The following BTBD9 variants were observed in gnomAD, a reference collection of about 807,000 sequenced individuals.
The protein encoded by BTBD9 is BTB/POZ domain-containing protein 9.
Under a neutral mutation model 64.3 loss-of-function variants are expected in BTBD9, and 49 were observed. That is an observed-to-expected ratio of 0.76 (90% confidence interval 0.61 to 0.97). The LOEUF is 0.97. BTBD9 is among the 50% of genes least tolerant of loss of function. The probability of loss-of-function intolerance (pLI) is 0.00; values close to 1 mark genes in which losing one functional copy is unlikely to be tolerated. For synonymous variants in BTBD9, 260 were observed against 274.7 expected (o/e 0.95, Z 0.53); for missense variants, 598 against 762.1 (o/e 0.78, Z 2.53).
chr6:38,398,815 T>TATTTA lies in BTBD9; in HGVS notation c.1155-53727_1155-53723dup, dbSNP rs541936464. 7.2e-5 allele frequency among the ~76,000 whole-genome samples: 11 copies of TATTTA among 152,340 alleles called. 1 individual carries two copies. In the South Asian group the frequency reaches 2.1e-3, roughly 29 times the overall value. Reference sequence around the variant, plus strand: ...TCTTATACCCATTTAAACATATAATTATTTAATTTAATTTAATTTGTGGCC... The same window carrying TATTTA: ...TCTTATACCCATTTAAACATATAATTATTTAATTTAATTTAATTTAATTTGTGGCC... On this transcript the variant is annotated intron_variant, in intron 6 of 10. Transcript: ENST00000481247.
At chr6:38,458,123 G>A (rs1769905520) in intron 6 of BTBD9, among the ~76,000 whole-genome samples, 1 of 152,252 alleles carries the variant, frequency 6.6e-6, no homozygotes, top group South Asian at 2.1e-4. Context: ...CAAAACAGCA[G>A]ATTATTGTTT....
At chr6:38,215,990 A>G (rs972325301) in intron 9 of BTBD9, among the ~76,000 whole-genome samples, 3 of 152,174 alleles carry the variant, frequency 2.0e-5, no homozygotes, top group Admixed American at 6.5e-5. Context: ...AAGGCCCTCA[A>G]TATCAATTTT....
chr6:38,399,997 G>A (rs1386835062), intron 6 of BTBD9, among the ~76,000 whole-genome samples: 1 of 151,424 alleles, frequency 6.6e-6, no homozygotes, highest in East Asian at 1.9e-4. Flanking sequence ...CCTGACCTCA[G>A]GTGATCCGCC....
intron 8 of BTBD9, among the ~76,000 whole-genome samples, chr6:38,287,105 A>AAAAT (rs1554135407): frequency 1.0e-5 from 1 of 100,242 alleles, no homozygotes; most frequent in Admixed American, 1.1e-4. Context: ...AAAAAAAAAA[A>AAAAT]ATATACACAC....
At chr6:38,191,923 T>C (rs1762091269) in intron 10 of BTBD9, among the ~76,000 whole-genome samples, 1 of 152,252 alleles carries the variant, frequency 6.6e-6, no homozygotes, top group African/African-American at 2.4e-5. Context: ...CTGGGTCCCA[T>C]GCGACTGTCC....
In BTBD9 at chr6:38,262,076, C is replaced by T. The variant is rs574788643; in HGVS notation, c.1455-5560G>A. Among the ~76,000 whole-genome samples the T allele has an allele frequency of 8.1e-4, 124 of 152,326 alleles. 2 individuals carry two copies. The highest frequency in any genetic ancestry group is 2.8e-4 in the Non-Finnish European group (19 of 68,028). On this transcript the variant is annotated intron_variant, in intron 8 of 10. Transcript: ENST00000481247. ...TGAGAGGAATTTTGCTCTACCAATT[C>T]CCTTCACTTCTTTGGCTGCCTGCAA...
At chr6:38,266,796 T>G (rs1765022623) in intron 8 of BTBD9, among the ~76,000 whole-genome samples, 1 of 152,228 alleles carries the variant, frequency 6.6e-6, no homozygotes, top group South Asian at 2.1e-4. Context: ...GTGACTCTAA[T>G]ACAGCCCCTT....
chr6:38,400,499 T>C (rs909905603), intron 6 of BTBD9, among the ~76,000 whole-genome samples: 1 of 152,202 alleles, frequency 6.6e-6, no homozygotes, highest in Non-Finnish European at 1.5e-5. Context: ...TACAGGTATC[T>C]AGCATGATTA....
intron 4 of BTBD9, chr6:38,587,469 ACTT>A: frequency 1.8e-6 from 1 of 547,288 alleles, no homozygotes; most frequent in Non-Finnish European, 3.5e-6. Flanking sequence ...TCAGGGGAAA[ACTT>A]CTGCGTAATG....
At chr6:38,267,656 G>C (rs1765057002) in intron 8 of BTBD9, among the ~76,000 whole-genome samples, 1 of 152,176 alleles carries the variant, frequency 6.6e-6, no homozygotes, top group African/African-American at 2.4e-5. Flanking sequence ...CCGAAGGAGA[G>C]GGGTCGGGCA....
chr6:38,317,468 C>T lies in BTBD9; in HGVS notation c.1264+27516G>A, dbSNP rs574437501. 4.6e-5 allele frequency among the ~76,000 whole-genome samples: 7 copies of T among 152,080 alleles called. No homozygotes were observed. In the East Asian group the frequency reaches 7.7e-4, roughly 17 times the overall value. The stretch of plus-strand genomic sequence containing the variant: ...CCTTTGGGAATTTGATTATTAAATG[C>T]CTTGAGGCAATTTTCTTTGGGTTAA... On this transcript the variant is annotated intron_variant, in intron 7 of 10. Transcript: ENST00000481247.
At position 38,603,705 on chromosome 6, in the gene BTBD9, A is replaced by T. The variant is rs562608466; in HGVS notation, c.-27-5584T>A. 1.1e-4 allele frequency among the ~76,000 whole-genome samples: 16 copies of T among 152,312 alleles called. No individual in the cohort carries two copies. The South Asian group carries it at 2.7e-3, about 26-fold the overall frequency. Reference sequence around the variant, plus strand: ...CAAAGAGTCCTTGAACACTGTATGAATCTCCCCTGGGAAGCCCTCTCTGCC... The same window carrying T: ...CAAAGAGTCCTTGAACACTGTATGATTCTCCCCTGGGAAGCCCTCTCTGCC... On this transcript the variant is annotated intron_variant, in intron 1 of 10. Coordinates refer to ENST00000481247, the MANE Select transcript of BTBD9 (RefSeq NM_001099272.2).
chr6:38,258,731 A>G (rs1764690380), intron 8 of BTBD9, among the ~76,000 whole-genome samples: 1 of 152,160 alleles, frequency 6.6e-6, no homozygotes, highest in South Asian at 2.1e-4. Flanking sequence ...TCTACTAAAA[A>G]TACAAAAAAT....
At chr6:38,531,495 C>G (rs1022391478) in intron 6 of BTBD9, among the ~76,000 whole-genome samples, 3 of 152,138 alleles carry the variant, frequency 2.0e-5, no homozygotes, top group African/African-American at 7.2e-5. Flanking sequence ...AAGAAATCAT[C>G]TGAAGGTACA....
intron 6 of BTBD9, among the ~76,000 whole-genome samples, chr6:38,381,156 A>C (rs374085073): frequency 6.6e-6 from 1 of 152,290 alleles, no homozygotes; most frequent in South Asian, 2.1e-4. Flanking sequence ...ATTAATGTAC[A>C]TGGACTAAAT....
At chr6:38,498,025 A>C (rs893765898) in intron 6 of BTBD9, among the ~76,000 whole-genome samples, 1 of 152,204 alleles carries the variant, frequency 6.6e-6, no homozygotes, top group Non-Finnish European at 1.5e-5. Context: ...GTTATGTTTG[A>C]ATCTTGTTGG....
At chr6:38,201,173 A>G (rs999324742) in intron 9 of BTBD9, among the ~76,000 whole-genome samples, 1 of 152,214 alleles carries the variant, frequency 6.6e-6, no homozygotes, top group Admixed American at 6.5e-5. Flanking sequence ...TCCTCAATGA[A>G]CACAGACACA....
chr6:38,442,661 CTTTTTTTTTTTTTT>C (rs11313452), intron 6 of BTBD9, among the ~76,000 whole-genome samples: 4 of 57,538 alleles, frequency 7.0e-5, no homozygotes, highest in Non-Finnish European at 1.2e-4. Context: ...CATTTGTACT[CTTTTTTTTTTTTTT>C]TTTTTTTTTT....
At chr6:38,301,414 G>A (rs2127563773) in intron 7 of BTBD9, among the ~76,000 whole-genome samples, 1 of 152,270 alleles carries the variant, frequency 6.6e-6, no homozygotes, top group East Asian at 1.9e-4. Context: ...TCTGTTGATT[G>A]GAGTAGTTTC....
Sources: gnomAD v4.1 joint callset for allele counts (sites outside exome capture counted in the v4.1 genomes callset) on GRCh38, gnomAD v4.1.1 for gene constraint, MANE v1.5 for transcripts, NCBI Gene and HGNC (gene_info 2026-07-23, HGNC 2026-07-21) for gene names.